CREBBP: variants seen among roughly 807,000 people sequenced by gnomAD.
The protein encoded by CREBBP is CREB binding lysine acetyltransferase.
A neutral mutation model predicts 265.0 loss-of-function variants in CREBBP; 19 were observed. The observed-to-expected ratio is 0.07, with a 90% CI of 0.05 to 0.11. The LOEUF is 0.11. Among genes scored for constraint, CREBBP ranks in the 10% least tolerant of loss-of-function variants. The pLI is 1.00. For missense variants in CREBBP, 2,525 were observed against 3,219.0 expected (o/e 0.78, Z 5.22); for synonymous variants, 1,457 against 1,223.7 (o/e 1.19, Z -3.98).
At chr16:3,799,761 C>T (rs1345641220) in intron 3 of CREBBP, among the ~76,000 whole-genome samples, 1 of 152,136 alleles carries the variant, frequency 6.6e-6, no homozygotes, top group Non-Finnish European at 1.5e-5. Context: ...TAACCCCTGT[C>T]AAAGCCATGT....
chr16:3,732,814 C>G (rs1024776592), intron 28 of CREBBP, among the ~76,000 whole-genome samples: 2 of 152,026 alleles, frequency 1.3e-5, no homozygotes, highest in Admixed American at 1.3e-4. Context: ...GATTCTCCTG[C>G]CTGAACCTCC....
At chr16:3,751,291 C>A (rs986797783) in intron 20 of CREBBP, among the ~76,000 whole-genome samples, 1 of 152,022 alleles carries the variant, frequency 6.6e-6, no homozygotes, top group African/African-American at 2.4e-5. Flanking sequence ...TAAATGTGAT[C>A]ATAGTTAATA....
At chr16:3,790,922 A>G (rs2053494010) in intron 5 of CREBBP, among the ~76,000 whole-genome samples, 1 of 152,212 alleles carries the variant, frequency 6.6e-6, no homozygotes, top group African/African-American at 2.4e-5. Context: ...GGCCACTCAG[A>G]AACAACCAGA....
At chr16:3,783,930 C>G (rs1470736588) in intron 5 of CREBBP, among the ~76,000 whole-genome samples, 3 of 152,236 alleles carry the variant, frequency 2.0e-5, no homozygotes, top group African/African-American at 7.2e-5. Context: ...TACCTACCCA[C>G]CTGTTACCTG....
intron 17 of CREBBP, among the ~76,000 whole-genome samples, 178 bp downstream of exon 17, chr16:3,758,676 G>A (rs963631438): frequency 6.6e-6 from 1 of 152,256 alleles, no homozygotes; most frequent in Non-Finnish European, 1.5e-5. Context: ...TCATGAACAG[G>A]TGAAATCAAA....
rs988744134 is a variant in CREBBP, at chr16:3,770,645, C to A, written c.2805G>T (p.Gln935His). The change falls in exon 14 of 31, where the codon CAG (glutamine) becomes CAT (histidine). Residue 935 changes from glutamine to histidine, a missense_variant. Transcript: ENST00000262367. Reference protein sequence around the residue: ...QVTPQPQTPVQPPSVATPQSS... With the variant: ...QVTPQPQTPVHPPSVATPQSS... ...ACTGAGGGGTAGCCACAGACGGGGG[C>A]TGAACTGGGGTTTGAGGCTGCGGGG... The A allele has an allele frequency of 6.2e-7, 1 of 1,613,946 alleles. No homozygotes were observed. Among genetic ancestry groups the A allele is most frequent in the South Asian group, 1.1e-5 (1 of 91,078 alleles).
Position 3,726,521 on chromosome 16 carries a change from G to A in CREBBP, c.*1197C>T, listed in dbSNP as rs1413689452. The A allele has an allele frequency of 8.6e-6, 2 of 233,498 alleles. No homozygotes were observed. Among genetic ancestry groups the A allele is most frequent in the East Asian group, 6.0e-5 (1 of 16,602 alleles). 14.5% of individuals were successfully genotyped at this position (233,498 alleles called of 1,614,324 possible). On this transcript the variant is annotated 3_prime_UTR_variant, in exon 31 of 31. Coordinates refer to ENST00000262367, the MANE Select transcript of CREBBP (RefSeq NM_004380.3). ...CACCCACGCCGCCACAACCACAACC[G>A]CAGCCCCAGCCTCTCCGCTATGAGC... is the stretch of plus-strand genomic sequence containing the variant.
intron 11 of CREBBP, among the ~76,000 whole-genome samples, chr16:3,776,862 C>G (rs1053954956): frequency 1.3e-5 from 2 of 150,962 alleles, no homozygotes; most frequent in African/African-American, 4.9e-5. Context: ...AAAAAAGATA[C>G]AAAAAATTAG....
At position 3,736,065 on chromosome 16, in the gene CREBBP, C is replaced by T. The variant is rs2052050004; in HGVS notation, c.4699G>A (p.Glu1567Lys). 6.2e-7 allele frequency: 1 copy of T among 1,614,124 alleles called. No individual in the cohort carries two copies. Among genetic ancestry groups the T allele is most frequent in the Non-Finnish European group, 8.5e-7 (1 of 1,180,056 alleles). Residue 1567 changes from glutamate to lysine, a missense_variant, in exon 28 of 31, where the codon GAG (glutamate) becomes AAG (lysine). Transcript: ENST00000262367. Reference protein sequence around the residue: ...EQEEEERKKEESTAASETTEG... With the variant: ...EQEEEERKKEKSTAASETTEG... ...GTGGTTTCACTGGCTGCAGTGCTCT[C>T]TTCCTTTTTCCTCTCCTCTTCTTCT...
At chr16:3,810,501 G>T in intron 3 of CREBBP, 102 bp downstream of exon 3, 1 of 1,381,214 alleles carries the variant, frequency 7.2e-7, no homozygotes, top group Non-Finnish European at 1.0e-6. Context: ...ATCACCTACT[G>T]ACACACTTTT....
intron 1 of CREBBP, among the ~76,000 whole-genome samples, chr16:3,878,425 C>T (rs2141609722): frequency 6.6e-6 from 1 of 152,314 alleles, no homozygotes; most frequent in Middle Eastern, 3.4e-3. Flanking sequence ...TACTCCTCCC[C>T]ACTGTTTAAC....
chr16:3,817,187 C>T lies in CREBBP; in HGVS notation c.799-6408G>A, dbSNP rs967908623. 2.0e-5 allele frequency among the ~76,000 whole-genome samples: 3 copies of T among 152,122 alleles called. No individual in the cohort carries two copies. The East Asian group carries it at 5.8e-4, about 29-fold the overall frequency. ...GTCCAGTCTGGCTATAAAATGGGTCCTCTGTGCTACATCTTTGGGCCAGGA... is the reference window on the plus strand; with the variant it reads ...GTCCAGTCTGGCTATAAAATGGGTCTTCTGTGCTACATCTTTGGGCCAGGA... On this transcript the variant is annotated intron_variant, in intron 2 of 30. Coordinates refer to ENST00000262367, the MANE Select transcript of CREBBP (RefSeq NM_004380.3).
intron 2 of CREBBP, among the ~76,000 whole-genome samples, chr16:3,828,778 G>A (rs1199487199): frequency 6.6e-6 from 1 of 152,160 alleles, no homozygotes; most frequent in Non-Finnish European, 1.5e-5. Context: ...GTGTCGTCTT[G>A]AATAATTTTC....
At chr16:3,743,873 T>C (rs1364455466) in intron 23 of CREBBP, 4 of 151,780 alleles carry the variant, frequency 2.6e-5, no homozygotes, top group African/African-American at 9.7e-5. Context: ...GGTCAAGAGA[T>C]TGAGACCGTC....
chr16:3,756,452 C>T (rs890041648), intron 19 of CREBBP, among the ~76,000 whole-genome samples: 5 of 152,244 alleles, frequency 3.3e-5, no homozygotes, highest in Non-Finnish European at 7.3e-5. Flanking sequence ...AAATACTATT[C>T]TCACTCTCTA....
At chr16:3,784,537 A>T (rs1002151041) in intron 5 of CREBBP, 5 of 152,348 alleles carry the variant, frequency 3.3e-5, no homozygotes, top group Admixed American at 3.3e-4. Flanking sequence ...CATTTTTAAG[A>T]AGCACTATGG....
At chr16:3,735,548 G>A (rs993092585) in intron 28 of CREBBP, among the ~76,000 whole-genome samples, 1 of 151,986 alleles carries the variant, frequency 6.6e-6, no homozygotes, top group Non-Finnish European at 1.5e-5. Context: ...CGCCTGCCTC[G>A]GCCTCCCAAA....
intron 2 of CREBBP, among the ~76,000 whole-genome samples, chr16:3,837,656 T>A (rs909984961): frequency 1.3e-5 from 2 of 150,656 alleles, no homozygotes; most frequent in African/African-American, 4.8e-5. Flanking sequence ...TAATAAAAAA[T>A]TTTAAAATAG....
In CREBBP at chr16:3,831,468, T is replaced by C. The variant is rs534598779; in HGVS notation, c.798+18829A>G. On this transcript the variant is annotated intron_variant, in intron 2 of 30. Coordinates refer to ENST00000262367, the MANE Select transcript of CREBBP (RefSeq NM_004380.3). ...GAAATTTATTGCCCAAATGTTAATA[T>C]TGGAAAAGTCTAAATAACCAGTGAT... 4.6e-5 allele frequency among the ~76,000 whole-genome samples: 7 copies of C among 152,196 alleles called. No individual in the cohort carries two copies. In the East Asian group the frequency reaches 5.8e-4, roughly 13 times the overall value.
Sources: gnomAD v4.1 joint callset for allele counts (sites outside exome capture counted in the v4.1 genomes callset) on GRCh38, gnomAD v4.1.1 for gene constraint, MANE v1.5 for transcripts, NCBI Gene and HGNC (gene_info 2026-07-23, HGNC 2026-07-21) for gene names.